SLC25A46: variants seen among roughly 807,000 people sequenced by gnomAD.
The protein encoded by SLC25A46 is solute carrier family 25 member 46, also known as mitochondrial outer membrane protein SLC25A46.
In SLC25A46, 39 loss-of-function variants were observed where a neutral mutation model predicts 44.6. The observed-to-expected ratio is 0.87, with a 90% CI of 0.68 to 1.14. SLC25A46 has a LOEUF of 1.14. SLC25A46 is among the 50% of genes most tolerant of loss of function. The pLI, the probability that SLC25A46 is intolerant of heterozygous loss-of-function variation, is 0.00. For synonymous variants in SLC25A46, 202 were observed against 185.8 expected (o/e 1.09, Z -0.71); for missense variants, 547 against 522.7 (o/e 1.05, Z -0.45).
At chr5:110,757,001 G>T in intron 7 of SLC25A46, 1 of 324,790 alleles carries the variant, frequency 3.1e-6, no homozygotes, top group South Asian at 1.4e-4. Flanking sequence ...TCTTCATTTA[G>T]ACATCTCAGA....
Position 110,751,770 on chromosome 5 carries a change from T to C in SLC25A46, c.563+3507T>C, listed in dbSNP as rs1468855248. 5.3e-5 allele frequency among the ~76,000 whole-genome samples: 8 copies of C among 152,280 alleles called. No individual in the cohort carries two copies. In the South Asian group the frequency reaches 1.7e-3, roughly 32 times the overall value. Reference sequence around the variant, plus strand: ...TAAGTGGACAGTTTTGAAATATACTTAGGTCAAACTGAGGGAATTTGGTGA... The same window carrying C: ...TAAGTGGACAGTTTTGAAATATACTCAGGTCAAACTGAGGGAATTTGGTGA... On this transcript the variant is annotated intron_variant, in intron 5 of 7. Transcript: ENST00000355943.
chr5:110,738,263 C>T (rs1799418275), upstream of SLC25A46: 2 of 1,282,628 alleles, frequency 1.6e-6, no homozygotes, highest in South Asian at 1.2e-5. Flanking sequence ...AGGGGACGCT[C>T]TACAGTAGTC....
chr5:110,755,450 A>T lies in SLC25A46; in HGVS notation c.564-15A>T. On this transcript the variant is annotated splice_polypyrimidine_tract_variant and intron_variant, in intron 5 of 7. Transcript: ENST00000355943. ...CATGGCTTTTGTTTTATTTAAGTTT[A>T]TTTTTATGTTTTAGGGAGGTTTTAC... 6.7e-7 allele frequency: 1 copy of T among 1,493,340 alleles called. No individual in the cohort carries two copies. The allele number at this position is 1,493,340 out of a possible 1,614,324, so 92.5% of individuals were successfully genotyped here.
Position 110,755,525 on chromosome 5 carries a change from A to G in SLC25A46, c.620+4A>G. 1 of 1,564,032 alleles carries G rather than the reference A, an allele frequency of 6.4e-7. No individual in the cohort carries two copies. Among genetic ancestry groups the G allele is most frequent in the South Asian group, 1.2e-5 (1 of 83,130 alleles). The stretch of plus-strand genomic sequence containing the variant: ...GAGAACACCTTCTACTGAAATCGTA[A>G]GTATCAAAAAATGGCATTTTTATTG... On this transcript the variant is annotated splice_donor_region_variant and intron_variant, in intron 6 of 7. Transcript: ENST00000355943.
At chr5:110,740,298 A>G (rs1799626017) in intron 1 of SLC25A46, among the ~76,000 whole-genome samples, 1 of 152,206 alleles carries the variant, frequency 6.6e-6, no homozygotes, top group Non-Finnish European at 1.5e-5. Context: ...CTTTATTCTT[A>G]TTTCCTCGAC....
chr5:110,742,181 C>A, intron 2 of SLC25A46, 92 bp downstream of exon 2: 1 of 857,860 alleles, frequency 1.2e-6, no homozygotes, highest in Non-Finnish European at 1.7e-6. Context: ...TTATTGCTTC[C>A]TTTAGGTTGT....
chr5:110,739,451 G>A, intron 1 of SLC25A46, 49 bp downstream of exon 1: 1 of 1,498,380 alleles, frequency 6.7e-7, no homozygotes, highest in Non-Finnish European at 8.8e-7. Context: ...CTGGGGCCGC[G>A]GCTTGCGGCC....
Position 110,739,094 on chromosome 5 carries a change from G to T in SLC25A46, c.-26G>T, listed in dbSNP as rs956676307. ...CCCGGTGGTGGTGGGCTCCGGGCGG[G>T]CTCGCGTCATCCTGCCCCCGCTGCG... On this transcript the variant is annotated 5_prime_UTR_variant, in exon 1 of 8. Transcript: ENST00000355943. The T allele has an allele frequency of 6.5e-7, 1 of 1,540,920 alleles. No individual in the cohort carries two copies. Among genetic ancestry groups the T allele is most frequent in the Non-Finnish European group, 8.7e-7 (1 of 1,145,784 alleles).
At chr5:110,738,676 T>C (rs1329384256), upstream of SLC25A46, 1 of 226,638 alleles carries the variant, frequency 4.4e-6, no homozygotes, top group Non-Finnish European at 8.8e-6. Context: ...AACACTGAGA[T>C]CTGGGGCGTA....
At position 110,739,348 on chromosome 5, in the gene SLC25A46, A is replaced by C. The variant is rs1799549657; in HGVS notation, c.229A>C (p.Thr77Pro). ...PTTSTPYEGP[T>P]EEPFSSGGGG... ...CACCTCCACCCCGTACGAAGGCCCCACGGAGGAACCCTTTTCCAGTGGCGG... is the reference window on the plus strand; with the variant it reads ...CACCTCCACCCCGTACGAAGGCCCCCCGGAGGAACCCTTTTCCAGTGGCGG... Residue 77 changes from threonine (T) to proline (P), a missense_variant, in exon 1 of 8, where the codon ACG (threonine) becomes CCG (proline). Physicochemically the swap from Thr to Pro is conservative, Grantham distance 38. Transcript: ENST00000355943. 4 of 1,562,742 alleles carry C rather than the reference A, an allele frequency of 2.6e-6. No homozygotes were observed. Among genetic ancestry groups the C allele is most frequent in the Non-Finnish European group, 3.5e-6 (4 of 1,155,238 alleles).
rs1057519296 is a variant in SLC25A46, at chr5:110,746,309, C to T, written c.425C>T (p.Thr142Ile). ...HAQHYHLTPF[T>I]VINIMYSFNK... Reference sequence around the variant, plus strand: ...CAGCATTACCATCTCACTCCATTTACAGTCATCAATATTATGTACAGTTTC... The same window carrying T: ...CAGCATTACCATCTCACTCCATTTATAGTCATCAATATTATGTACAGTTTC... Residue 142 changes from threonine to isoleucine, a missense_variant, in exon 4 of 8, where the codon ACA (threonine) becomes ATA (isoleucine). Physicochemically the swap from Thr to Ile is moderately conservative, Grantham distance 89. Coordinates refer to ENST00000355943, the MANE Select transcript of SLC25A46 (RefSeq NM_138773.4). 2 of 1,592,836 alleles carry T rather than the reference C, an allele frequency of 1.3e-6. No homozygotes were observed. Among genetic ancestry groups the T allele is most frequent in the African/African-American group, 1.4e-5 (1 of 72,694 alleles).
At chr5:110,751,684 C>T (rs556573377) in intron 5 of SLC25A46, among the ~76,000 whole-genome samples, 1 of 152,142 alleles carries the variant, frequency 6.6e-6, no homozygotes, top group South Asian at 2.1e-4. Context: ...TATTCTATTA[C>T]AATAATAAAG....
Position 110,763,562 on chromosome 5 carries a change from A to G in SLC25A46, c.*1780A>G, listed in dbSNP as rs1800314557. The G allele has an allele frequency of 6.6e-6, 1 of 152,018 alleles. No homozygotes were observed. Among genetic ancestry groups the G allele is most frequent in the Middle Eastern group, 3.4e-3 (1 of 294 alleles). 9.4% of individuals were successfully genotyped at this position (152,018 alleles called of 1,614,324 possible). A position where few individuals can be genotyped will look rare whatever the true frequency, so the allele number is the denominator to read the frequency against. ...TTGTTTTCAATTAGGATAGTTTCAGATAAGAGTAAACCAGAAAATTTCAAG... is the reference window on the plus strand; with the variant it reads ...TTGTTTTCAATTAGGATAGTTTCAGGTAAGAGTAAACCAGAAAATTTCAAG... On this transcript the variant is annotated 3_prime_UTR_variant, in exon 8 of 8. Coordinates refer to ENST00000355943, the MANE Select transcript of SLC25A46 (RefSeq NM_138773.4).
Position 110,752,708 on chromosome 5 carries a change from A to G in SLC25A46, c.564-2757A>G, listed in dbSNP as rs573517336. On this transcript the variant is annotated intron_variant, in intron 5 of 7. Coordinates refer to ENST00000355943, the MANE Select transcript of SLC25A46 (RefSeq NM_138773.4). ...CTGAAAGAGTTTAAGTAGAAAAGAA[A>G]GATTTTAAGTTGGACTTTAGTACAA... 2.0e-5 allele frequency among the ~76,000 whole-genome samples: 3 copies of G among 152,330 alleles called. No individual in the cohort carries two copies. In the South Asian group the frequency reaches 6.2e-4, roughly 32 times the overall value.
Position 110,761,209 on chromosome 5 carries a change from G to A in SLC25A46, c.684G>A (p.Glu228=), listed in dbSNP as rs763611060. The change falls in exon 8 of 8, where the codon GAG becomes GAA. Residue 228 remains glutamate, a synonymous_variant. Transcript: ENST00000355943. This position sits in a 1 kb window ranked among gnomAD's most constrained non-coding sequence, Gnocchi z 5.3. ...SASLIETVQS[E]IIRDNTGILE... is the part of the protein sequence containing the mutation. The stretch of plus-strand genomic sequence containing the variant: ...TTTCATCATTTTTATTTCAGAGTGA[G>A]ATAATTCGAGATAATACTGGCATTT... The A allele has an allele frequency of 6.3e-7, 1 of 1,587,484 alleles. No individual in the cohort carries two copies. The highest frequency in any genetic ancestry group is 8.6e-7 in the Non-Finnish European group (1 of 1,168,952).
chr5:110,756,236 G>GT (rs5870419), intron 6 of SLC25A46: 38,780 of 140,980 alleles, frequency 0.28, 5,688 homozygotes, highest in East Asian at 0.46. Flanking sequence ...GCTGTATAAT[G>GT]TTTTTTTTTT....
At chr5:110,759,151 G>T (rs1291204586) in intron 7 of SLC25A46, among the ~76,000 whole-genome samples, 1 of 152,096 alleles carries the variant, frequency 6.6e-6, no homozygotes, top group Non-Finnish European at 1.5e-5. Context: ...TTCTTATGGG[G>T]AAAGTAGACA....
chr5:110,759,263 C>T lies in SLC25A46; in HGVS notation c.679-1941C>T, dbSNP rs561619003. Reference sequence around the variant, plus strand: ...AGGATGTGTAATGGGTAGGGAGGGGCGGTTAATATTTTTTTAAGAAGATAA... The same window carrying T: ...AGGATGTGTAATGGGTAGGGAGGGGTGGTTAATATTTTTTTAAGAAGATAA... On this transcript the variant is annotated intron_variant, in intron 7 of 7. Coordinates refer to ENST00000355943, the MANE Select transcript of SLC25A46 (RefSeq NM_138773.4). 3.6e-3 allele frequency among the ~76,000 whole-genome samples: 544 copies of T among 151,924 alleles called. 1 individual carries two copies. The highest frequency in any genetic ancestry group is 6.2e-3 in the Admixed American group (95 of 15,264).
intron 5 of SLC25A46, among the ~76,000 whole-genome samples, chr5:110,750,715 T>A (rs941651139): frequency 2.6e-5 from 4 of 152,206 alleles, no homozygotes; most frequent in Non-Finnish European, 5.9e-5. Context: ...ATCCCTTTTT[T>A]AAATAAATAT....
Sources: allele counts gnomAD v4.1 joint callset (sites outside exome capture counted in the v4.1 genomes callset), GRCh38; gene constraint gnomAD v4.1.1; non-coding constraint Gnocchi (gnomAD v3.1); transcripts MANE v1.5; gene names NCBI Gene and HGNC (gene_info 2026-07-23, HGNC 2026-07-21).